The following CRPPA variants were observed in gnomAD, a reference collection of about 807,000 sequenced individuals.
The protein encoded by CRPPA is D-ribitol-5-phosphate cytidylyltransferase.
In CRPPA, 43 loss-of-function variants were observed where a neutral mutation model predicts 52.0. The ratio of observed to expected loss-of-function variants is 0.83; its 90% CI spans 0.65 to 1.07. The LOEUF is 1.07. Among genes scored for constraint, CRPPA ranks in the 50% least tolerant of loss-of-function variants. CRPPA has a pLI of 0.00. For missense variants in CRPPA, 629 were observed against 551.7 expected (o/e 1.14, Z -1.40); for synonymous variants, 250 against 203.5 (o/e 1.23, Z -1.94).
In CRPPA at chr7:16,102,128, AAC is replaced by A. The variant is rs373346775; in HGVS notation, c.1252-10331_1252-10330del. Among the ~76,000 whole-genome samples, 64 of 152,270 alleles carry A rather than the reference AAC, an allele frequency of 4.2e-4. No homozygotes were observed. The East Asian group carries it at 0.012, about 28-fold the overall frequency. ...ACAGATATATAGACCAATGGAACAA[AAC>A]AGAGACCTCAGAAATAACACCACAC... On this transcript the variant is annotated intron_variant, in intron 9 of 9. Coordinates refer to ENST00000407010, the MANE Select transcript of CRPPA (RefSeq NM_001101426.4).
chr7:16,319,517 C>G (rs927144894), intron 3 of CRPPA, among the ~76,000 whole-genome samples: 1 of 152,112 alleles, frequency 6.6e-6, no homozygotes, highest in Non-Finnish European at 1.5e-5. Flanking sequence ...AGGGTTAGAA[C>G]AAATTCTCCA....
chr7:16,089,259 C>A lies in CRPPA; in HGVS notation c.*2436G>T, dbSNP rs554081023. 3.0e-6 allele frequency: 1 copy of A among 330,996 alleles called. No individual in the cohort carries two copies. The highest frequency in any genetic ancestry group is 6.3e-6 in the Non-Finnish European group (1 of 158,820). 20.5% of individuals were successfully genotyped at this position (330,996 alleles called of 1,614,324 possible). A position where few individuals can be genotyped will look rare whatever the true frequency, so the allele number is the denominator to read the frequency against. On this transcript the variant is annotated 3_prime_UTR_variant, in exon 10 of 10. Transcript: ENST00000407010. Reference sequence around the variant, plus strand: ...ACGTATATACATATATGTGTGTATGCGTACGTATATACATATATGTGTGTA... The same window carrying A: ...ACGTATATACATATATGTGTGTATGAGTACGTATATACATATATGTGTGTA...
At chr7:16,333,953 GAC>G (rs1296387721) in intron 3 of CRPPA, among the ~76,000 whole-genome samples, 1 of 152,166 alleles carries the variant, frequency 6.6e-6, no homozygotes, top group Non-Finnish European at 1.5e-5. Flanking sequence ...GTTGGTGGCA[GAC>G]ATCCACCTTC....
At chr7:16,391,456 G>GC (rs1312021582) in intron 2 of CRPPA, among the ~76,000 whole-genome samples, 2 of 152,080 alleles carry the variant, frequency 1.3e-5, no homozygotes, top group Admixed American at 1.3e-4. Flanking sequence ...TCCTTCCACA[G>GC]CCTATTCTTC....
At chr7:16,362,578 C>T (rs977039023) in intron 3 of CRPPA, among the ~76,000 whole-genome samples, 1 of 152,092 alleles carries the variant, frequency 6.6e-6, no homozygotes, top group Non-Finnish European at 1.5e-5. Flanking sequence ...ATTATCCATG[C>T]TTTGAAAATA....
rs747435762 is a variant in CRPPA, at chr7:16,406,062, C to G, written c.533G>C (p.Gly178Ala). ...LKVVTAAKEH[G>A]AAGAIRPLVS... Reference sequence around the variant, plus strand: ...CTAGACTCAAGAAAAAAGACTTACCCCGTGTTCCTTAGCAGCTGTGACAAC... The same window carrying G: ...CTAGACTCAAGAAAAAAGACTTACCGCGTGTTCCTTAGCAGCTGTGACAAC... The change falls in exon 2 of 10, where the codon GGG becomes GCG. Residue 178 changes from glycine to alanine, a missense_variant and splice_region_variant. Gly to Ala is a moderately conservative substitution (Grantham distance 60). Transcript: ENST00000407010. 4 of 1,612,328 alleles carry G rather than the reference C, an allele frequency of 2.5e-6. No individual in the cohort carries two copies. The highest frequency in any genetic ancestry group is 2.5e-6 in the Non-Finnish European group (3 of 1,178,904).
intron 3 of CRPPA, among the ~76,000 whole-genome samples, chr7:16,346,565 T>C (rs1400642726): frequency 6.6e-6 from 1 of 152,006 alleles, no homozygotes; most frequent in Non-Finnish European, 1.5e-5. Flanking sequence ...GCAGAGGCAA[T>C]AGCTAGTGTT....
rs141250366 is a variant in CRPPA, at chr7:16,257,755, C to T, written c.1119+635G>A. On this transcript the variant is annotated intron_variant, in intron 8 of 9. Coordinates refer to ENST00000407010, the MANE Select transcript of CRPPA (RefSeq NM_001101426.4). ...GCTACCAACTATACATTCTGCTCCT[C>T]AGCCAATTTAGAGGACTTGGGCTCT... Among the ~76,000 whole-genome samples, 77 of 152,198 alleles carry T rather than the reference C, an allele frequency of 5.1e-4. No individual in the cohort carries two copies. The East Asian group carries it at 0.014, about 28-fold the overall frequency.
chr7:16,165,073 G>A (rs1016566005), intron 9 of CRPPA, among the ~76,000 whole-genome samples: 3 of 152,052 alleles, frequency 2.0e-5, no homozygotes, highest in East Asian at 1.9e-4. Context: ...AGGTAGGAAC[G>A]TTTAAGTCTG....
chr7:16,277,888 C>T (rs555817809), intron 6 of CRPPA, among the ~76,000 whole-genome samples: 3 of 152,152 alleles, frequency 2.0e-5, no homozygotes, highest in African/African-American at 7.2e-5. Flanking sequence ...AGGCATCAGG[C>T]AGGGCTTCCT....
intron 9 of CRPPA, among the ~76,000 whole-genome samples, chr7:16,211,147 T>C (rs1412875328): frequency 6.6e-6 from 1 of 152,240 alleles, no homozygotes; most frequent in Non-Finnish European, 1.5e-5. Flanking sequence ...GTGTGTTTAA[T>C]ATTGCATTTC....
chr7:16,298,060 C>G lies in CRPPA; in HGVS notation c.835+3361G>C, dbSNP rs148999338. Among the ~76,000 whole-genome samples the G allele has an allele frequency of 3.9e-4, 60 of 151,968 alleles. No homozygotes were observed. The East Asian group carries it at 0.011, about 29-fold the overall frequency. On this transcript the variant is annotated intron_variant, in intron 5 of 9. Coordinates refer to ENST00000407010, the MANE Select transcript of CRPPA (RefSeq NM_001101426.4). ...TTATATTTTGGAATTTTTTTTTAATCCAAGAGTTCTCTCTTTCCTATGCCC... is the reference window on the plus strand; with the variant it reads ...TTATATTTTGGAATTTTTTTTTAATGCAAGAGTTCTCTCTTTCCTATGCCC...
At chr7:16,224,386 T>C (rs1265752114) in intron 8 of CRPPA, among the ~76,000 whole-genome samples, 1 of 152,184 alleles carries the variant, frequency 6.6e-6, no homozygotes, top group Non-Finnish European at 1.5e-5. Flanking sequence ...TTTCGTCTCA[T>C]TGCAGAGTCT....
chr7:16,416,483 C>A (rs1157903276), intron 1 of CRPPA, among the ~76,000 whole-genome samples: 2 of 152,116 alleles, frequency 1.3e-5, no homozygotes, highest in Non-Finnish European at 2.9e-5. Flanking sequence ...ACTAAGTCCT[C>A]AAAAGCAATT....
chr7:16,271,432 C>G (rs1784087032), intron 6 of CRPPA, among the ~76,000 whole-genome samples: 1 of 152,042 alleles, frequency 6.6e-6, no homozygotes, highest in Non-Finnish European at 1.5e-5. Flanking sequence ...CCCCTTAAAA[C>G]AATATATAAA....
At chr7:16,399,790 T>C (rs936115104) in intron 2 of CRPPA, among the ~76,000 whole-genome samples, 3 of 152,184 alleles carry the variant, frequency 2.0e-5, no homozygotes. Context: ...GCTTGGCACG[T>C]GACCAACACG....
chr7:16,097,856 G>A (rs1781965763), intron 9 of CRPPA, among the ~76,000 whole-genome samples: 1 of 152,106 alleles, frequency 6.6e-6, no homozygotes, highest in Non-Finnish European at 1.5e-5. Flanking sequence ...AGCAAGGAAA[G>A]GCTGAAGTAA....
chr7:16,350,904 A>C (rs1253761755), intron 3 of CRPPA, among the ~76,000 whole-genome samples: 3 of 152,226 alleles, frequency 2.0e-5, no homozygotes, highest in African/African-American at 7.2e-5. Flanking sequence ...GGGATGAAAA[A>C]ATACATTCCA....
At chr7:16,408,906 C>A (rs1788017877) in intron 1 of CRPPA, among the ~76,000 whole-genome samples, 1 of 152,034 alleles carries the variant, frequency 6.6e-6, no homozygotes, top group African/African-American at 2.4e-5. Flanking sequence ...GTGGCCTCTA[C>A]AATTTTATTT....
Sources: gnomAD v4.1 joint callset for allele counts (sites outside exome capture counted in the v4.1 genomes callset) on GRCh38, gnomAD v4.1.1 for gene constraint, MANE v1.5 for transcripts, NCBI Gene and HGNC (gene_info 2026-07-23, HGNC 2026-07-21) for gene names.